ABHD12: variants seen among roughly 807,000 people sequenced by gnomAD.
The protein encoded by ABHD12 is lysophosphatidylserine lipase ABHD12.
ABHD12 carries 43 observed loss-of-function variants against 58.3 expected under a neutral mutation model. That is an observed-to-expected ratio of 0.74 (90% CI 0.58 to 0.95). The LOEUF is 0.95. Ranked by LOEUF, ABHD12 falls within the 40% of genes least tolerant of loss-of-function variation. ABHD12 has a pLI of 0.00. For missense variants in ABHD12, 539 were observed against 537.2 expected, an observed-to-expected ratio of 1.00 and a Z score of -0.03; for synonymous variants, 219 against 211.2, an observed-to-expected ratio of 1.04 and a Z score of -0.32.
At chr20:25,320,168 A>G in intron 4 of ABHD12, 31 bp downstream of exon 4, 2 of 1,612,888 alleles carry the variant, frequency 1.2e-6, no homozygotes, top group Non-Finnish European at 1.7e-6. Context: ...GCCATGCTCC[A>G]CAGCAAAGAT....
chr20:25,316,315 C>T (rs564162347), intron 5 of ABHD12, among the ~76,000 whole-genome samples: 7 of 152,174 alleles, frequency 4.6e-5, no homozygotes, highest in South Asian at 4.1e-4. Flanking sequence ...CCCGCCACCA[C>T]GCCTGGCTAA....
chr20:25,387,615 A>G (rs2090109816), intron 1 of ABHD12, among the ~76,000 whole-genome samples: 1 of 150,984 alleles, frequency 6.6e-6, no homozygotes, highest in African/African-American at 2.4e-5. Context: ...AAAATTAACC[A>G]GGAGTGGTGG....
intron 3 of ABHD12, among the ~76,000 whole-genome samples, chr20:25,322,121 A>G (rs1229757528): frequency 6.6e-6 from 1 of 152,076 alleles, no homozygotes; most frequent in Admixed American, 6.6e-5. Context: ...GAAATGCTAC[A>G]GTGAGGTTGG....
At chr20:25,316,335 T>A (rs1484571837) in intron 5 of ABHD12, among the ~76,000 whole-genome samples, 22 of 151,628 alleles carry the variant, frequency 1.5e-4, no homozygotes. Context: ...ATTTTTTTTG[T>A]ATTTTTAGTA....
intron 9 of ABHD12, 64 bp from the exon 10 acceptor site, chr20:25,306,979 G>T (rs911380766): frequency 8.2e-7 from 1 of 1,213,760 alleles, no homozygotes; most frequent in Non-Finnish European, 1.2e-6. Context: ...CAGGTCAAGG[G>T]TGCAGACAGT....
rs1021988981 is a variant in ABHD12, at chr20:25,330,945, C to A, written c.317-7515G>T. 2.0e-5 allele frequency among the ~76,000 whole-genome samples: 3 copies of A among 152,200 alleles called. No individual in the cohort carries two copies. The South Asian group carries it at 6.2e-4, about 32-fold the overall frequency. On this transcript the variant is annotated intron_variant, in intron 2 of 12. Transcript: ENST00000339157. ...AAGGAACGCAGTTCCTCACCAGCAA[C>A]GGAACAAAGCTGGACGGAGAATGAC...
chr20:25,303,375 C>G, intron 11 of ABHD12, 175 bp downstream of exon 11: 1 of 1,510,362 alleles, frequency 6.6e-7, no homozygotes, highest in Non-Finnish European at 8.8e-7. Flanking sequence ...CCGAAGCAGC[C>G]TGGAGGTGAC....
chr20:25,343,306 G>A (rs1239702910), intron 1 of ABHD12, among the ~76,000 whole-genome samples: 9 of 152,130 alleles, frequency 5.9e-5, no homozygotes, highest in South Asian at 4.1e-4. Flanking sequence ...CCAATTATCC[G>A]CAATCTCTTC....
At chr20:25,295,832 A>G (rs2088533751), downstream of ABHD12, among the ~76,000 whole-genome samples, 1 of 152,222 alleles carries the variant, frequency 6.6e-6, no homozygotes, top group African/African-American at 2.4e-5. Context: ...CCTTTAGGGA[A>G]GCTGTCACTG....
downstream of ABHD12, chr20:25,297,134 C>T (rs994497387): frequency 6.5e-6 from 1 of 153,286 alleles, no homozygotes; most frequent in Non-Finnish European, 1.5e-5. Context: ...TGGGGCTTTC[C>T]CTTTGTAGCC....
At chr20:25,310,801 T>G (rs1474913232) in intron 6 of ABHD12, among the ~76,000 whole-genome samples, 2 of 151,900 alleles carry the variant, frequency 1.3e-5, no homozygotes, top group African/African-American at 4.8e-5. Context: ...AAGAGGCAGA[T>G]GCAGTGAGAG....
At chr20:25,331,893 T>C (rs1349359158) in intron 2 of ABHD12, among the ~76,000 whole-genome samples, 1 of 151,056 alleles carries the variant, frequency 6.6e-6, no homozygotes, top group Non-Finnish European at 1.5e-5. Context: ...AGAAACTGCA[T>C]CAACTAATGA....
chr20:25,340,378 G>A (rs1030040152), intron 1 of ABHD12, among the ~76,000 whole-genome samples: 17 of 152,200 alleles, frequency 1.1e-4, no homozygotes, highest in Admixed American at 4.6e-4. Flanking sequence ...GAGTTTAACA[G>A]AAAGATTGAC....
chr20:25,322,381 A>ATATATATTTTTT lies in ABHD12; in HGVS notation c.422+943_422+944insAAAAAATATATA. Among the ~76,000 whole-genome samples, 13 of 59,268 alleles carry ATATATATTTTTT rather than the reference A, an allele frequency of 2.2e-4. 1 individual carries two copies. The highest frequency in any genetic ancestry group is 5.0e-4 in the African/African-American group (6 of 12,098). 38.9% of individuals were successfully genotyped at this position (59,268 alleles called of 152,430 possible). ...GGAAAAGATATATATATATATATAT[A>ATATATATTTTTT]TTTTTTTTTTTTTTTGAGACAAGAG... On this transcript the variant is annotated intron_variant, in intron 3 of 12. Transcript: ENST00000339157.
downstream of ABHD12, among the ~76,000 whole-genome samples, chr20:25,295,969 C>G (rs749800972): frequency 6.6e-6 from 1 of 152,156 alleles, no homozygotes; most frequent in Non-Finnish European, 1.5e-5. Flanking sequence ...GGGCTGGCCT[C>G]GAGGAAAGGC....
At chr20:25,317,007 G>A (rs1400406645) in intron 5 of ABHD12, 41 bp downstream of exon 5, 1 of 1,602,112 alleles carries the variant, frequency 6.2e-7, no homozygotes, top group African/African-American at 1.3e-5. Context: ...GCCCTGGAAA[G>A]AACAGCCCAG....
chr20:25,308,161 G>C, intron 8 of ABHD12, 116 bp from the exon 9 acceptor site: 1 of 819,268 alleles, frequency 1.2e-6, no homozygotes, highest in Non-Finnish European at 2.1e-6. Flanking sequence ...CCTCCCACCA[G>C]GCAACCACCT....
intron 3 of ABHD12, 37 bp downstream of exon 3, chr20:25,323,288 T>G: frequency 7.2e-7 from 1 of 1,379,406 alleles, no homozygotes; most frequent in Non-Finnish European, 1.0e-6. Flanking sequence ...GGTCCTTTCC[T>G]GCTGCTGGAG....
Position 25,300,846 on chromosome 20 carries a change from C to T in ABHD12, c.1196G>A (p.Ter399=). 6.2e-7 allele frequency: 1 copy of T among 1,614,104 alleles called. No homozygotes were observed. The highest frequency in any genetic ancestry group is 1.1e-5 in the South Asian group (1 of 91,080). Residue 399 remains the stop codon, a stop_retained_variant, in exon 13 of 13, where the codon TGA becomes TAA. Coordinates refer to ENST00000339157, the MANE Select transcript of ABHD12 (RefSeq NM_001042472.3). ...LGKSEPEHQH[*] ...CATGCTTCCTTCCCACGGCCAGGCTCAGTGCTGGTGCTCAGGCTCCGACTT... is the reference window on the plus strand; with the variant it reads ...CATGCTTCCTTCCCACGGCCAGGCTTAGTGCTGGTGCTCAGGCTCCGACTT...
Sources: allele counts gnomAD v4.1 joint callset (sites outside exome capture counted in the v4.1 genomes callset), GRCh38; gene constraint gnomAD v4.1.1; transcripts MANE v1.5; gene names NCBI Gene and HGNC (gene_info 2026-07-23, HGNC 2026-07-21).